The following ODAD2 variants were observed in gnomAD, a reference collection of about 807,000 sequenced individuals.
ODAD2 encodes outer dynein arm-docking complex subunit 2.
Under a neutral mutation model 106.8 loss-of-function variants are expected in ODAD2, and 89 were observed. The observed-to-expected ratio is 0.83, with a 90% CI of 0.70 to 0.99. The LOEUF is 0.99. Ranked by LOEUF, ODAD2 falls within the 50% of genes least tolerant of loss-of-function variation. The probability of loss-of-function intolerance (pLI) is 0.00; values close to 1 mark genes in which losing one functional copy is unlikely to be tolerated. For missense variants in ODAD2, 1,168 were observed against 1,238.5 expected (o/e 0.94, Z 0.85); for synonymous variants, 404 against 436.2 (o/e 0.93, Z 0.92).
intron 16 of ODAD2, among the ~76,000 whole-genome samples, chr10:27,908,873 G>A (rs1482437852): frequency 1.3e-5 from 2 of 152,058 alleles, no homozygotes; most frequent in South Asian, 2.1e-4. Context: ...GTAAATAGCC[G>A]ATAGTAAGAT....
intron 17 of ODAD2, among the ~76,000 whole-genome samples, chr10:27,896,052 A>C (rs1251055430): frequency 4.6e-5 from 7 of 152,232 alleles, no homozygotes; most frequent in Non-Finnish European, 1.0e-4. Flanking sequence ...TCACTAGACA[A>C]GTGTCTTCAA....
chr10:27,989,007 T>TGGGGCCGTGAGCCAA (rs958455684), intron 2 of ODAD2, among the ~76,000 whole-genome samples: 6 of 152,100 alleles, frequency 3.9e-5, no homozygotes, highest in Admixed American at 2.0e-4. Flanking sequence ...CAGAGTGATG[T>TGGGGCCGTGAGCCAA]GGAGCCATGA....
chr10:27,940,133 T>C lies in ODAD2; in HGVS notation c.1987-126A>G, dbSNP rs1044507105. The C allele has an allele frequency of 6.5e-6, 4 of 611,024 alleles. No individual in the cohort carries two copies. In the African/African-American group the frequency reaches 7.6e-5, roughly 12 times the overall value. 37.9% of individuals were successfully genotyped at this position (611,024 alleles called of 1,614,324 possible). A position where few individuals can be genotyped will look rare whatever the true frequency, so the allele number is the denominator to read the frequency against. On this transcript the variant is annotated intron_variant, in intron 13 of 19. Coordinates refer to ENST00000305242, the MANE Select transcript of ODAD2 (RefSeq NM_018076.5). The stretch of plus-strand genomic sequence containing the variant: ...ATCACCATAGTCCAAGCTTAACATA[T>C]CCCTACATCAATAAGAGAATCAACT...
At chr10:27,924,008 A>AAGAAAGAAAGAG (rs1554810837) in intron 16 of ODAD2, among the ~76,000 whole-genome samples, 7,906 of 104,224 alleles carry the variant, frequency 0.076, 1,170 homozygotes, top group South Asian at 0.1. Flanking sequence ...GAAAGAAAGA[A>AAGAAAGAAAGAG]AGAAAGAAAG....
intron 17 of ODAD2, among the ~76,000 whole-genome samples, chr10:27,891,646 C>G (rs1243746506): frequency 1.3e-5 from 2 of 151,568 alleles, no homozygotes; most frequent in Non-Finnish European, 2.9e-5. Context: ...TATGAAAATG[C>G]AAATATAGTT....
intron 19 of ODAD2, among the ~76,000 whole-genome samples, chr10:27,849,074 A>G (rs965798915): frequency 1.5e-4 from 23 of 152,364 alleles, no homozygotes; most frequent in Admixed American, 1.5e-3. Flanking sequence ...AGGATTATAA[A>G]GCATGCTGCT....
chr10:27,906,861 CAG>C, intron 17 of ODAD2, among the ~76,000 whole-genome samples: 1 of 152,020 alleles, frequency 6.6e-6, no homozygotes. Flanking sequence ...CGGGGCCTGT[CAG>C]GGGGTGCGGG....
At chr10:27,929,207 G>A (rs930843207) in intron 16 of ODAD2, among the ~76,000 whole-genome samples, 17 of 152,140 alleles carry the variant, frequency 1.1e-4, no homozygotes, top group African/African-American at 3.9e-4. Context: ...AAATTATTCT[G>A]GATATCTCTG....
intron 17 of ODAD2, among the ~76,000 whole-genome samples, chr10:27,874,870 T>G (rs1841201871): frequency 6.6e-6 from 1 of 152,104 alleles, no homozygotes; most frequent in African/African-American, 2.4e-5. Context: ...TTTGTGGTGT[T>G]CTCTGTATTT....
intron 17 of ODAD2, among the ~76,000 whole-genome samples, chr10:27,906,227 A>C (rs903334599): frequency 6.6e-6 from 1 of 152,218 alleles, no homozygotes; most frequent in African/African-American, 2.4e-5. Context: ...TCTCAAAAGA[A>C]GACATTTATG....
intron 3 of ODAD2, 52 bp downstream of exon 3, chr10:27,987,334 C>G: frequency 1.3e-6 from 2 of 1,556,410 alleles, no homozygotes; most frequent in Non-Finnish European, 1.8e-6. Flanking sequence ...CCCACTTTCC[C>G]AGCAAGATTG....
intron 8 of ODAD2, among the ~76,000 whole-genome samples, chr10:27,970,549 A>T (rs192102319): frequency 6.6e-6 from 1 of 152,198 alleles, no homozygotes; most frequent in African/African-American, 2.4e-5. Context: ...TCTTCCCTTC[A>T]CAGTGCTCCA....
chr10:27,995,024 C>A lies in ODAD2; in HGVS notation c.119G>T (p.Ser40Ile). Residue 40 changes from serine (S) to isoleucine (I), a missense_variant, in exon 2 of 20, where the codon AGT (serine) becomes ATT (isoleucine). Transcript: ENST00000305242. ...ILKEIIVFVE[S>I]FIYKHPQEAK... ...CTCTTGAGGATGTTTATAGATAAAACTCTCCACAAACACAATAATTTCTTT... is the reference window on the plus strand; with the variant it reads ...CTCTTGAGGATGTTTATAGATAAAAATCTCCACAAACACAATAATTTCTTT... 5 of 1,614,148 alleles carry A rather than the reference C, an allele frequency of 3.1e-6. No homozygotes were observed. The highest frequency in any genetic ancestry group is 3.4e-6 in the Non-Finnish European group (4 of 1,180,016).
At chr10:27,907,827 A>G (rs1482303902) in intron 16 of ODAD2, 50 bp from the exon 17 acceptor site, 4 of 1,223,046 alleles carry the variant, frequency 3.3e-6, no homozygotes. Flanking sequence ...GTATGTGAAG[A>G]CAAACATTTT....
At chr10:27,991,308 T>C (rs1384856658) in intron 2 of ODAD2, among the ~76,000 whole-genome samples, 1 of 150,048 alleles carries the variant, frequency 6.7e-6, no homozygotes, top group Non-Finnish European at 1.5e-5. Flanking sequence ...TGTTATAACA[T>C]GATGAAAACA....
intron 7 of ODAD2, among the ~76,000 whole-genome samples, chr10:27,976,892 G>A (rs1384793451): frequency 6.6e-6 from 1 of 152,114 alleles, no homozygotes; most frequent in African/African-American, 2.4e-5. Flanking sequence ...TGTAAAAATA[G>A]AGAAATCAAA....
chr10:27,864,040 A>G (rs1033397653), intron 17 of ODAD2, among the ~76,000 whole-genome samples: 1 of 151,972 alleles, frequency 6.6e-6, no homozygotes, highest in Non-Finnish European at 1.5e-5. Flanking sequence ...ATCTTAGAAG[A>G]TTTCTCAGAA....
intron 19 of ODAD2, among the ~76,000 whole-genome samples, chr10:27,839,636 T>C (rs904265249): frequency 5.9e-5 from 9 of 152,220 alleles, no homozygotes; most frequent in Admixed American, 6.5e-5. Flanking sequence ...TGGAAGAGTA[T>C]TAGCTTCATG....
intron 19 of ODAD2, among the ~76,000 whole-genome samples, chr10:27,828,269 T>G (rs935689982): frequency 6.6e-6 from 1 of 152,162 alleles, no homozygotes; most frequent in African/African-American, 2.4e-5. Context: ...TTCCCTGATA[T>G]GATGATTTCC....
Sources: gnomAD v4.1 joint callset for allele counts (sites outside exome capture counted in the v4.1 genomes callset) on GRCh38, gnomAD v4.1.1 for gene constraint, MANE v1.5 for transcripts, NCBI Gene and HGNC (gene_info 2026-07-23, HGNC 2026-07-21) for gene names.